SH3RF2: variants seen among roughly 807,000 people sequenced by gnomAD.
The protein encoded by SH3RF2 is SH3 domain containing ring finger 2, also known as E3 ubiquitin-protein ligase SH3RF2.
SH3RF2 carries 43 observed loss-of-function variants against 59.0 expected under a neutral mutation model. The observed-to-expected ratio is 0.73, with a 90% confidence interval of 0.57 to 0.94. The LOEUF (loss-of-function observed/expected upper bound fraction) is 0.94. Ranked by LOEUF, SH3RF2 falls within the 40% of genes least tolerant of loss-of-function variation. The pLI is 0.00. For missense variants in SH3RF2, 930 were observed against 940.1 expected, an observed-to-expected ratio of 0.99 and a Z score of 0.14; for synonymous variants, 391 against 391.5, an observed-to-expected ratio of 1.00 and a Z score of 0.01.
At chr5:146,004,036 A>G in intron 3 of SH3RF2, 22 bp from the exon 4 acceptor site, 1 of 1,604,966 alleles carries the variant, frequency 6.2e-7, no homozygotes, top group Non-Finnish European at 8.5e-7. Flanking sequence ...GTAAATGCTG[A>G]CCATGAGACT....
Position 146,000,357 on chromosome 5 carries a change from C to T in SH3RF2, c.648+30C>T, listed in dbSNP as rs757006963. 8.8e-5 allele frequency: 141 copies of T among 1,605,564 alleles called. 4 individuals are homozygous for T. The South Asian group carries it at 1.4e-3, about 16-fold the overall frequency. ...GATTCTGGGTGGCCACCAGAGTCAC[C>T]TGGGACCACGTAGAGACCATAGCAG... is the stretch of plus-strand genomic sequence containing the variant. On this transcript the variant is annotated intron_variant, in intron 3 of 9. Coordinates refer to ENST00000359120, the MANE Select transcript of SH3RF2 (RefSeq NM_152550.4).
chr5:146,050,257 G>A (rs575688620), intron 7 of SH3RF2: 17 of 152,334 alleles, frequency 1.1e-4, no homozygotes, highest in Admixed American at 8.5e-4. Context: ...GTTCTGAGAG[G>A]GGGCAGTGGA....
At chr5:146,020,038 A>G (rs540494242) in intron 5 of SH3RF2, among the ~76,000 whole-genome samples, 29 of 152,318 alleles carry the variant, frequency 1.9e-4, no homozygotes, top group African/African-American at 7.0e-4. Flanking sequence ...GTATAAGATC[A>G]TCAGCAAACA....
At chr5:146,066,957 T>C (rs1763121779), downstream of SH3RF2, among the ~76,000 whole-genome samples, 1 of 151,996 alleles carries the variant, frequency 6.6e-6, no homozygotes, top group Non-Finnish European at 1.5e-5. Context: ...TGGGGGAAAA[T>C]GGGAGACATC....
intron 5 of SH3RF2, among the ~76,000 whole-genome samples, chr5:146,021,568 A>G (rs1761317307): frequency 6.6e-6 from 1 of 152,166 alleles, no homozygotes; most frequent in Non-Finnish European, 1.5e-5. Context: ...AGTGTCTGAA[A>G]TGTGTTTGTT....
intron 2 of SH3RF2, among the ~76,000 whole-genome samples, chr5:145,996,868 G>T (rs1760177066): frequency 6.6e-6 from 1 of 152,164 alleles, no homozygotes; most frequent in Non-Finnish European, 1.5e-5. Flanking sequence ...ACCACTCTGT[G>T]TCTCTGTCAC....
chr5:146,025,478 G>C (rs1015103513), intron 5 of SH3RF2, among the ~76,000 whole-genome samples: 1 of 152,250 alleles, frequency 6.6e-6, no homozygotes, highest in Admixed American at 6.5e-5. Context: ...TCAGGAGAAA[G>C]AGGCCCAAGT....
At chr5:145,945,337 C>A (rs1757970006) in intron 2 of SH3RF2, among the ~76,000 whole-genome samples, 1 of 152,216 alleles carries the variant, frequency 6.6e-6, no homozygotes, top group African/African-American at 2.4e-5. Flanking sequence ...ATGTTTTATG[C>A]AATGGTATAT....
At chr5:146,034,452 C>T (rs1459334405) in intron 5 of SH3RF2, among the ~76,000 whole-genome samples, 3 of 152,182 alleles carry the variant, frequency 2.0e-5, no homozygotes, top group African/African-American at 4.8e-5. Flanking sequence ...TTCTGATTTC[C>T]GCAGAACCAC....
intron 9 of SH3RF2, among the ~76,000 whole-genome samples, chr5:146,072,840 A>G (rs1176702357): frequency 6.6e-6 from 1 of 152,222 alleles, no homozygotes; most frequent in Non-Finnish European, 1.5e-5. Flanking sequence ...CTGTGTCATC[A>G]TGGGCAAGTC....
chr5:146,057,976 C>CTATATATATATA (rs1491563299), intron 8 of SH3RF2, among the ~76,000 whole-genome samples: 6 of 118,100 alleles, frequency 5.1e-5, no homozygotes, highest in African/African-American at 1.7e-4. Context: ...CTCTATCTAT[C>CTATATATATATA]TATCTATCTA....
chr5:145,949,570 G>A lies in SH3RF2; in HGVS notation c.378+11264G>A, dbSNP rs547475412. Among the ~76,000 whole-genome samples the A allele has an allele frequency of 2.6e-5, 4 of 152,350 alleles. No homozygotes were observed. The East Asian group carries it at 7.7e-4, about 29-fold the overall frequency. On this transcript the variant is annotated intron_variant, in intron 2 of 9. Coordinates refer to ENST00000359120, the MANE Select transcript of SH3RF2 (RefSeq NM_152550.4). ...TTCCCAGCTCTCTGGAGAAGCAGGA[G>A]AGGTAATCTTCTGGATTCCAAATTT... is the stretch of plus-strand genomic sequence containing the variant.
At chr5:145,961,812 G>A (rs1758643085) in intron 2 of SH3RF2, among the ~76,000 whole-genome samples, 1 of 152,170 alleles carries the variant, frequency 6.6e-6, no homozygotes, top group African/African-American at 2.4e-5. Flanking sequence ...CTTCTCAGTT[G>A]TAATTTGCAA....
At chr5:145,971,475 T>G (rs988622202) in intron 2 of SH3RF2, among the ~76,000 whole-genome samples, 1 of 152,232 alleles carries the variant, frequency 6.6e-6, no homozygotes. Flanking sequence ...TATTTTCACT[T>G]GGCAAATGTG....
At chr5:146,010,332 T>A (rs1182422105) in intron 4 of SH3RF2, among the ~76,000 whole-genome samples, 2 of 152,228 alleles carry the variant, frequency 1.3e-5, no homozygotes, top group African/African-American at 4.8e-5. Flanking sequence ...AGTGCCACAA[T>A]AAACATACGT....
At chr5:146,031,252 A>G (rs570953667) in intron 5 of SH3RF2, among the ~76,000 whole-genome samples, 35 of 152,126 alleles carry the variant, frequency 2.3e-4, no homozygotes, top group African/African-American at 7.9e-4. Flanking sequence ...AATGCCCTCA[A>G]CTCCTTAAAG....
In SH3RF2 at chr5:146,004,001, G is replaced by C. The variant is rs111719497; in HGVS notation, c.649-57G>C. On this transcript the variant is annotated intron_variant, in intron 3 of 9. Coordinates refer to ENST00000359120, the MANE Select transcript of SH3RF2 (RefSeq NM_152550.4). ...GAGACTCCAAACTGATCTCTGCTGA[G>C]AGCTTTTACTGCCTGAAAATGAGAG... 4.0e-5 allele frequency: 59 copies of C among 1,464,542 alleles called. 3 individuals carry two copies. The African/African-American group carries it at 5.6e-4, about 14-fold the overall frequency. The allele number at this position is 1,464,542 out of a possible 1,614,324, so 90.7% of individuals were successfully genotyped here. A position where few individuals can be genotyped will look rare whatever the true frequency, so the allele number is the denominator to read the frequency against.
intron 5 of SH3RF2, among the ~76,000 whole-genome samples, chr5:146,041,919 A>G (rs903059102): frequency 2.0e-5 from 3 of 152,198 alleles, no homozygotes; most frequent in Non-Finnish European, 4.4e-5. Flanking sequence ...TGACAAAGCA[A>G]GACCCTGTCT....
At chr5:146,051,995 G>A (rs2150016906) in intron 7 of SH3RF2, among the ~76,000 whole-genome samples, 1 of 152,156 alleles carries the variant, frequency 6.6e-6, no homozygotes, top group East Asian at 1.9e-4. Context: ...ATTGAGGAGT[G>A]TGGGAAATGG....
Sources: gnomAD v4.1 joint callset for allele counts (sites outside exome capture counted in the v4.1 genomes callset) on GRCh38, gnomAD v4.1.1 for gene constraint, MANE v1.5 for transcripts, NCBI Gene and HGNC (gene_info 2026-07-23, HGNC 2026-07-21) for gene names.